Variants in ALG12 observed in about 807,000 individuals in gnomAD.
ALG12 encodes the protein ALG12 alpha-1,6-mannosyltransferase, also known as dol-P-Man:Man(7)GlcNAc(2)-PP-Dol alpha-1,6-mannosyltransferase.
A neutral mutation model predicts 46.0 loss-of-function variants in ALG12; 36 were observed. The observed-to-expected ratio is 0.78, with a 90% CI of 0.60 to 1.03. The LOEUF is 1.03. ALG12 is among the 50% of genes least tolerant of loss of function. ALG12 has a pLI of 0.00. For missense variants in ALG12, 599 were observed against 633.5 expected, an observed-to-expected ratio of 0.95 and a Z score of 0.58; for synonymous variants, 326 against 291.6, an observed-to-expected ratio of 1.12 and a Z score of -1.20.
At chr22:49,904,567 T>TACAAA (rs1475030297) in intron 7 of ALG12, 61 bp from the exon 8 acceptor site, 1 of 1,574,756 alleles carries the variant, frequency 6.4e-7, no homozygotes, top group African/African-American at 1.3e-5. Context: ...TTAATCTACC[T>TACAAA]ACAAAACATA....
chr22:49,862,480 C>T, the ALG12 span, among the ~76,000 whole-genome samples: 2 of 152,064 alleles, frequency 1.3e-5, no homozygotes, highest in Non-Finnish European at 1.5e-5. Context: ...TGAATAAAAT[C>T]AGTGTCTAGC....
the ALG12 span, among the ~76,000 whole-genome samples, chr22:49,882,784 A>G: frequency 6.6e-6 from 1 of 152,244 alleles, no homozygotes; most frequent in Non-Finnish European, 1.5e-5. Context: ...AATGGGTGAC[A>G]GGAGGATGGG....
intron 3 of ALG12, among the ~76,000 whole-genome samples, chr22:49,911,434 C>CT (rs869143798): frequency 3.0e-4 from 44 of 145,094 alleles, no homozygotes; most frequent in Admixed American, 1.4e-3. Context: ...CTGCAAATGT[C>CT]TTTTTTTTTT....
rs1679944615 is a variant in ALG12, at chr22:49,913,395, A to C, written c.285T>G (p.Ser95=). The C allele has an allele frequency of 1.2e-6, 2 of 1,613,800 alleles. No individual in the cohort carries two copies. The highest frequency in any genetic ancestry group is 2.2e-5 in the South Asian group (2 of 91,092). The change falls in exon 3 of 10, where the codon TCT becomes TCG. Residue 95 remains serine (S), a synonymous_variant. Transcript: ENST00000330817. ...TGAAGACCCCCTTACCTATTAGCTGAGAGTAAAACTTGGACATTTCTAACA... is the reference window on the plus strand; with the variant it reads ...TGAAGACCCCCTTACCTATTAGCTGCGAGTAAAACTTGGACATTTCTAACA... ...LSLLEMSKFY[S]QLIVRGVLGL... is the part of the protein sequence containing the mutation.
Position 49,902,477 on chromosome 22 carries a change from C to T in ALG12, c.*1361G>A, listed in dbSNP as rs1569171963. The T allele has an allele frequency of 9.4e-6, 1 of 106,088 alleles. No individual in the cohort carries two copies. The highest frequency in any genetic ancestry group is 2.7e-4 in the East Asian group (1 of 3,724). The allele number at this position is 106,088 out of a possible 1,614,324, so 6.6% of individuals were successfully genotyped here. On this transcript the variant is annotated 3_prime_UTR_variant, in exon 10 of 10. Coordinates refer to ENST00000330817, the MANE Select transcript of ALG12 (RefSeq NM_024105.4). ...TATGCATGGTGTGTGCACGTGTGCA[C>T]TGTGTGGTGTGTATGCATGGTGTGT...
chr22:49,885,171 G>T, the ALG12 span: 10 of 1,614,122 alleles, frequency 6.2e-6, no homozygotes, highest in Non-Finnish European at 7.6e-6. Context: ...ATCTCTACCG[G>T]CGCCATCCAG....
In ALG12 at chr22:49,909,289, C is replaced by A. The variant is rs2060561974; in HGVS notation, c.723G>T (p.Lys241Asn). The A allele has an allele frequency of 7.4e-6, 12 of 1,614,242 alleles. No individual in the cohort carries two copies. Among genetic ancestry groups the A allele is most frequent in the Non-Finnish European group, 1.0e-5 (12 of 1,180,040 alleles). Reference protein sequence around the residue: ...FWRQLTWPEGKVLWYNTVLNK... With the variant: ...FWRQLTWPEGNVLWYNTVLNK... ...TCAGGACAGTGTTGTACCAAAGCAC[C>A]TTTCCTTCCGGCCAAGTGAGCTGCC... Residue 241 changes from lysine (K) to asparagine (N), a missense_variant, in exon 6 of 10, where the codon AAG becomes AAT. By Grantham distance (94) the Lys-to-Asn change is moderately conservative. Coordinates refer to ENST00000330817, the MANE Select transcript of ALG12 (RefSeq NM_024105.4).
chr22:49,871,510 G>GTA, the ALG12 span, among the ~76,000 whole-genome samples: 1 of 151,960 alleles, frequency 6.6e-6, no homozygotes, highest in African/African-American at 2.4e-5. Context: ...TACATTTTCA[G>GTA]TATAATGTAG....
chr22:49,891,347 G>A, the ALG12 span, among the ~76,000 whole-genome samples: 2 of 152,318 alleles, frequency 1.3e-5, no homozygotes, highest in East Asian at 3.9e-4. Context: ...CCCATCGAGT[G>A]GAAAGCTTGC....
At chr22:49,897,668 T>TC (rs1380556409), downstream of ALG12, among the ~76,000 whole-genome samples, 2 of 130,976 alleles carry the variant, frequency 1.5e-5, no homozygotes, top group East Asian at 4.2e-4. Context: ...GTTTTCTTTT[T>TC]TTTTTTTTTT....
the ALG12 span, among the ~76,000 whole-genome samples, chr22:49,866,318 A>G: frequency 6.6e-6 from 1 of 151,850 alleles, no homozygotes; most frequent in Non-Finnish European, 1.5e-5. Context: ...GATTGTACAT[A>G]TGTTGGATCT....
rs2060516323 is a variant in ALG12, at chr22:49,902,417, C to CGGTGTGTGG, written c.*1420_*1421insCCACACACC. 1 of 117,764 alleles carries CGGTGTGTGG rather than the reference C, an allele frequency of 8.5e-6. No homozygotes were observed. The highest frequency in any genetic ancestry group is 3.6e-5 in the African/African-American group (1 of 27,864). The allele number at this position is 117,764 out of a possible 1,614,324, so 7.3% of individuals were successfully genotyped here. On this transcript the variant is annotated 3_prime_UTR_variant, in exon 10 of 10. Coordinates refer to ENST00000330817, the MANE Select transcript of ALG12 (RefSeq NM_024105.4). Reference sequence around the variant, plus strand: ...TATGCATGGTGTGTGCACATGTGCACTGTGTATGCATGGTGTGTGCACGTG... The same window carrying CGGTGTGTGG: ...TATGCATGGTGTGTGCACATGTGCACGGTGTGTGGTGTGTATGCATGGTGTGTGCACGTG...
At chr22:49,876,205 C>G in the ALG12 span, among the ~76,000 whole-genome samples, 1 of 152,118 alleles carries the variant, frequency 6.6e-6, no homozygotes, top group African/African-American at 2.4e-5. Flanking sequence ...AGAGAAGAGT[C>G]TGTCTTGGTG....
chr22:49,885,627 CA>C, the ALG12 span: 3 of 1,610,698 alleles, frequency 1.9e-6, no homozygotes, highest in Non-Finnish European at 2.5e-6. Context: ...ACCCAGTTGC[CA>C]AAAAAATCAC....
chr22:49,879,914 TC>T, the ALG12 span, among the ~76,000 whole-genome samples: 4 of 135,554 alleles, frequency 3.0e-5, no homozygotes, highest in Non-Finnish European at 6.4e-5. Context: ...GGTTGGTTTT[TC>T]TCCTGGTCAG....
chr22:49,883,743 A>C, the ALG12 span: 1 of 1,612,500 alleles, frequency 6.2e-7, no homozygotes, highest in South Asian at 1.1e-5. Flanking sequence ...TAGAAGAGGA[A>C]GATGATGATG....
downstream of ALG12, among the ~76,000 whole-genome samples, chr22:49,896,600 A>C (rs1192269769): frequency 1.3e-5 from 2 of 151,938 alleles, no homozygotes; most frequent in Admixed American, 1.3e-4. Flanking sequence ...TCCTGTCAAC[A>C]TTTACCTTGG....
downstream of ALG12, among the ~76,000 whole-genome samples, chr22:49,899,035 A>AT (rs2060493989): frequency 1.3e-5 from 2 of 152,126 alleles, no homozygotes; most frequent in Non-Finnish European, 2.9e-5. Context: ...CACACCTGCG[A>AT]TTCCAGCACT....
the ALG12 span, chr22:49,886,124 A>G: frequency 1.5e-6 from 1 of 680,006 alleles, no homozygotes. This position sits in a 1 kb window ranked among gnomAD's most constrained non-coding sequence, Gnocchi z 7.7. Context: ...AACGAGGGGG[A>G]GCACTCGAGC....
Sources: gnomAD v4.1 joint callset for allele counts (sites outside exome capture counted in the v4.1 genomes callset) on GRCh38, gnomAD v4.1.1 for gene constraint, Gnocchi (gnomAD v3.1) non-coding constraint, MANE v1.5 for transcripts, NCBI Gene and HGNC (gene_info 2026-07-23, HGNC 2026-07-21) for gene names.